The following ENTREP2 variants were observed in gnomAD, a reference collection of about 807,000 sequenced individuals.
ENTREP2 encodes the protein endosomal transmembrane epsin interactor 2.
chr15:29,284,104 A>G, the ENTREP2 span, among the ~76,000 whole-genome samples: 1 of 152,190 alleles, frequency 6.6e-6, no homozygotes, highest in Non-Finnish European at 1.5e-5. Context: ...AGAGAATAAA[A>G]AAAGAAATGC....
the ENTREP2 span, among the ~76,000 whole-genome samples, chr15:29,475,470 C>T: frequency 1.1e-4 from 16 of 152,142 alleles, no homozygotes; most frequent in Non-Finnish European, 1.5e-4. Flanking sequence ...GTTCACTCAC[C>T]GCACCTTGGA....
the ENTREP2 span, among the ~76,000 whole-genome samples, chr15:29,335,813 A>C: frequency 6.6e-6 from 1 of 152,312 alleles, no homozygotes; most frequent in Non-Finnish European, 1.5e-5. Flanking sequence ...TACAGACTTC[A>C]AAGGAAAAAT....
the ENTREP2 span, among the ~76,000 whole-genome samples, chr15:29,553,067 G>A: frequency 9.1e-4 from 138 of 152,338 alleles, no homozygotes; most frequent in East Asian, 0.019. Flanking sequence ...AGGCCAAGGC[G>A]GGCAGATCGT....
the ENTREP2 span, among the ~76,000 whole-genome samples, chr15:29,181,587 G>C: frequency 6.6e-6 from 1 of 152,072 alleles, no homozygotes; most frequent in Admixed American, 6.5e-5. Context: ...AGAAATGCAA[G>C]AACGGTTCCA....
the ENTREP2 span, among the ~76,000 whole-genome samples, chr15:29,650,269 T>C: frequency 5.9e-5 from 9 of 152,118 alleles, no homozygotes; most frequent in Admixed American, 2.0e-4. Context: ...GGAGCAGTCA[T>C]AAAGGGACTT....
At chr15:29,362,334 T>C in the ENTREP2 span, among the ~76,000 whole-genome samples, 1 of 152,010 alleles carries the variant, frequency 6.6e-6, no homozygotes, top group Non-Finnish European at 1.5e-5. Context: ...CATAATTACC[T>C]TATTGGGTAT....
At chr15:29,546,182 G>C in the ENTREP2 span, among the ~76,000 whole-genome samples, 3 of 152,102 alleles carry the variant, frequency 2.0e-5, no homozygotes, top group Non-Finnish European at 4.4e-5. Context: ...TACCAAAATT[G>C]ACAGCTCTAA....
At chr15:29,475,205 A>C in the ENTREP2 span, among the ~76,000 whole-genome samples, 2 of 152,090 alleles carry the variant, frequency 1.3e-5, no homozygotes, top group East Asian at 3.9e-4. Flanking sequence ...AGATGCCAAT[A>C]ATCACTGCTG....
At chr15:29,405,997 C>T in the ENTREP2 span, among the ~76,000 whole-genome samples, 4 of 152,310 alleles carry the variant, frequency 2.6e-5, no homozygotes, top group South Asian at 2.1e-4. Context: ...TACATTCACA[C>T]GGCTTCTCCT....
At chr15:29,158,122 T>G in the ENTREP2 span, among the ~76,000 whole-genome samples, 4 of 152,236 alleles carry the variant, frequency 2.6e-5, no homozygotes, top group African/African-American at 7.2e-5. Flanking sequence ...CCACTGTCAT[T>G]TAAATGAATG....
the ENTREP2 span, among the ~76,000 whole-genome samples, chr15:29,529,084 A>T: frequency 2.0e-5 from 3 of 149,684 alleles, no homozygotes. Context: ...AAACCAGCCT[A>T]TTTGAGTCTT....
the ENTREP2 span, among the ~76,000 whole-genome samples, chr15:29,421,422 T>C: frequency 6.6e-6 from 1 of 152,180 alleles, no homozygotes; most frequent in African/African-American, 2.4e-5. Context: ...CTACAACCAA[T>C]TAATCAAAGA....
the ENTREP2 span, among the ~76,000 whole-genome samples, chr15:29,195,904 T>A: frequency 6.6e-6 from 1 of 152,234 alleles, no homozygotes; most frequent in African/African-American, 2.4e-5. Flanking sequence ...TTCTTATGTA[T>A]TTTTAAGTAG....
chr15:29,367,714 C>A, the ENTREP2 span, among the ~76,000 whole-genome samples: 21 of 152,202 alleles, frequency 1.4e-4, no homozygotes, highest in African/African-American at 4.8e-4. Context: ...GTCACACAGA[C>A]CCCCTTGTCA....
chr15:29,207,764 C>T, the ENTREP2 span, among the ~76,000 whole-genome samples: 463 of 152,178 alleles, frequency 3.0e-3, 1 homozygote, highest in Admixed American at 7.5e-3. Flanking sequence ...CTCCAGAGCA[C>T]GAGGGACTGG....
At chr15:29,371,575 C>T in the ENTREP2 span, among the ~76,000 whole-genome samples, 1 of 151,778 alleles carries the variant, frequency 6.6e-6, no homozygotes, top group African/African-American at 2.4e-5. Context: ...AAACAGAATT[C>T]TAATTAATAT....
At chr15:29,608,818 C>T in the ENTREP2 span, among the ~76,000 whole-genome samples, 6 of 151,904 alleles carry the variant, frequency 3.9e-5, no homozygotes, top group South Asian at 4.2e-4. Flanking sequence ...GCGCCCGCCT[C>T]GGCCTCCTAA....
At chr15:29,612,367 CGTGA>C in the ENTREP2 span, among the ~76,000 whole-genome samples, 7 of 152,106 alleles carry the variant, frequency 4.6e-5, no homozygotes, top group Non-Finnish European at 8.8e-5. Flanking sequence ...GAGATGACGG[CGTGA>C]GTTTGGTTCT....
chr15:29,389,905 CCCCCA>C, the ENTREP2 span, among the ~76,000 whole-genome samples: 51 of 152,324 alleles, frequency 3.3e-4, no homozygotes, highest in African/African-American at 1.2e-3. Flanking sequence ...GACTTCACTC[CCCCCA>C]CCCCTCCCTG....
Sources: allele counts gnomAD v4.1 joint callset (sites outside exome capture counted in the v4.1 genomes callset), GRCh38; gene constraint gnomAD v4.1.1; transcripts MANE v1.5; gene names NCBI Gene and HGNC (gene_info 2026-07-23, HGNC 2026-07-21).